Variants in ARHGEF17 observed in about 807,000 individuals in gnomAD.
ARHGEF17 encodes the protein Rho guanine nucleotide exchange factor 17, also known as 164 kDa Rho-specific guanine-nucleotide exchange factor.
In ARHGEF17, 80 loss-of-function variants were observed where a neutral mutation model predicts 174.0. That is an observed-to-expected ratio of 0.46 (90% CI 0.38 to 0.55). ARHGEF17 has a LOEUF of 0.55. Ranked by LOEUF, ARHGEF17 falls within the 20% of genes least tolerant of loss-of-function variation. The probability of loss-of-function intolerance (pLI) is 0.00; values close to 1 mark genes in which losing one functional copy is unlikely to be tolerated. For synonymous variants in ARHGEF17, 1,311 were observed against 1,189.1 expected, an observed-to-expected ratio of 1.10 and a Z score of -2.11; for missense variants, 2,886 against 2,839.7, an observed-to-expected ratio of 1.02 and a Z score of -0.37.
chr11:73,317,432 G>T (rs568430893), intron 1 of ARHGEF17, among the ~76,000 whole-genome samples: 2 of 152,338 alleles, frequency 1.3e-5, no homozygotes, highest in East Asian at 3.9e-4. Context: ...GCTTGAGTAT[G>T]GGATTTGGCT....
chr11:73,357,352 G>C lies in ARHGEF17; in HGVS notation c.4087+25G>C, dbSNP rs935935987. 10 of 1,601,206 alleles carry C rather than the reference G, an allele frequency of 6.2e-6. No individual in the cohort carries two copies. In the Admixed American group the frequency reaches 1.2e-4, roughly 19 times the overall value. On this transcript the variant is annotated intron_variant, in intron 9 of 20. Coordinates refer to ENST00000263674, the MANE Select transcript of ARHGEF17 (RefSeq NM_014786.4). The stretch of plus-strand genomic sequence containing the variant: ...GGTGGGTTTGATGCTAGGGGTTCTG[G>C]GTGTTGGGGTCTTCCTCTGAGAAGC...
chr11:73,336,714 AT>A (rs1865292019), intron 1 of ARHGEF17, among the ~76,000 whole-genome samples: 1 of 152,186 alleles, frequency 6.6e-6, no homozygotes, highest in African/African-American at 2.4e-5. Flanking sequence ...CTGTGTGACC[AT>A]GGCTCCTCCA....
rs1409540546 is a variant in ARHGEF17, at chr11:73,368,640, G to GC, written c.*865dup. On this transcript the variant is annotated 3_prime_UTR_variant, in exon 21 of 21. Transcript: ENST00000263674. Reference sequence around the variant, plus strand: ...ATGGGCCCATGATCTCCTCACAGTCGCCCCCAGTCCTTGGCCCTGCTTCCC... The same window carrying GC: ...ATGGGCCCATGATCTCCTCACAGTCGCCCCCCAGTCCTTGGCCCTGCTTCCC... 1 of 152,312 alleles carries GC rather than the reference G, an allele frequency of 6.6e-6. No individual in the cohort carries two copies. The highest frequency in any genetic ancestry group is 2.4e-5 in the African/African-American group (1 of 41,376). 9.4% of individuals were successfully genotyped at this position (152,312 alleles called of 1,614,324 possible).
At chr11:73,338,638 TC>T (rs767398890) in intron 1 of ARHGEF17, among the ~76,000 whole-genome samples, 3 of 152,184 alleles carry the variant, frequency 2.0e-5, no homozygotes, top group Admixed American at 6.5e-5. Flanking sequence ...CATGTCACTG[TC>T]TTGGAACAAA....
Position 73,310,716 on chromosome 11 carries a change from C to T in ARHGEF17, c.2078C>T (p.Ala693Val), listed in dbSNP as rs1277697734. 1.9e-6 allele frequency: 3 copies of T among 1,612,974 alleles called. No homozygotes were observed. The South Asian group carries it at 3.3e-5, about 18-fold the overall frequency. ...PGTEDSLGGW[A>V]LVSPETPPTP... ...ACTGAGGACAGTCTGGGCGGGTGGG[C>T]CCTGGTGTCGCCTGAGACCCCTCCC... The change falls in exon 1 of 21, where the codon GCC becomes GTC. Residue 693 changes from alanine to valine, a missense_variant. Ala to Val is a moderately conservative substitution (Grantham distance 64, BLOSUM62 0). Transcript: ENST00000263674.
intron 20 of ARHGEF17, among the ~76,000 whole-genome samples, chr11:73,366,224 G>A (rs918924010): frequency 1.4e-4 from 22 of 152,066 alleles, no homozygotes; most frequent in African/African-American, 5.1e-4. Context: ...AACCTAAGAG[G>A]TAGAATATGT....
Position 73,341,321 on chromosome 11 carries a change from G to C in ARHGEF17, c.3193-5562G>C, listed in dbSNP as rs142541306. On this transcript the variant is annotated intron_variant, in intron 1 of 20. Coordinates refer to ENST00000263674, the MANE Select transcript of ARHGEF17 (RefSeq NM_014786.4). ...TTTTTTCTTTTTGAGATGGAGTTTCGCTGTTGTTGCCCAAGCTGGAGTGCA... is the reference window on the plus strand; with the variant it reads ...TTTTTTCTTTTTGAGATGGAGTTTCCCTGTTGTTGCCCAAGCTGGAGTGCA... 1.7e-3 allele frequency among the ~76,000 whole-genome samples: 259 copies of C among 152,136 alleles called. 1 individual carries two copies. The East Asian group carries it at 0.03, about 18-fold the overall frequency.
intron 2 of ARHGEF17, among the ~76,000 whole-genome samples, chr11:73,347,903 A>C (rs551101855): frequency 2.0e-5 from 3 of 152,282 alleles, no homozygotes; most frequent in African/African-American, 7.2e-5. Flanking sequence ...AGGCGTGGTA[A>C]CTGGTTGGTT....
chr11:73,333,171 G>C (rs527279239), intron 1 of ARHGEF17, among the ~76,000 whole-genome samples: 88 of 151,992 alleles, frequency 5.8e-4, no homozygotes, highest in Middle Eastern at 3.4e-3. Context: ...CAATAATAAT[G>C]ACAAGACTAG....
chr11:73,330,472 C>CT (rs1865187390), intron 1 of ARHGEF17, among the ~76,000 whole-genome samples: 1 of 151,962 alleles, frequency 6.6e-6, no homozygotes, highest in Non-Finnish European at 1.5e-5. Flanking sequence ...GACTGCAACT[C>CT]TTTTTTTTCT....
At chr11:73,331,255 C>G (rs900658817) in intron 1 of ARHGEF17, among the ~76,000 whole-genome samples, 1 of 152,162 alleles carries the variant, frequency 6.6e-6, no homozygotes, top group African/African-American at 2.4e-5. Flanking sequence ...TGTCCCATAC[C>G]CCTAGCCCTT....
At chr11:73,355,333 G>A (rs537826249) in intron 3 of ARHGEF17, among the ~76,000 whole-genome samples, 200 bp from the exon 4 acceptor site, 10 of 152,310 alleles carry the variant, frequency 6.6e-5, no homozygotes, top group South Asian at 2.1e-4. Context: ...ATGAGCACTC[G>A]TATATCCATG....
intron 1 of ARHGEF17, among the ~76,000 whole-genome samples, chr11:73,322,155 C>G (rs548975400): frequency 1.3e-5 from 2 of 152,178 alleles, no homozygotes; most frequent in Non-Finnish European, 2.9e-5. Context: ...GGACGCCTTC[C>G]CCCAATAAAG....
At chr11:73,355,067 A>G (rs1159929536) in intron 3 of ARHGEF17, among the ~76,000 whole-genome samples, 1 of 152,228 alleles carries the variant, frequency 6.6e-6, no homozygotes, top group African/African-American at 2.4e-5. Context: ...ACTGGAGCAC[A>G]GCCCTGAGGC....
At chr11:73,345,091 G>T (rs566698254) in intron 1 of ARHGEF17, among the ~76,000 whole-genome samples, 1 of 152,100 alleles carries the variant, frequency 6.6e-6, no homozygotes. Context: ...GCCTGTCCTC[G>T]GGAGGCCTTC....
intron 5 of ARHGEF17, 76 bp downstream of exon 5, chr11:73,356,029 C>T (rs1865631863): frequency 6.3e-7 from 1 of 1,588,722 alleles, no homozygotes; most frequent in Non-Finnish European, 8.6e-7. Context: ...AAGGCCCCTG[C>T]CTCGTTGAGC....
chr11:73,310,383 C>G lies in ARHGEF17; in HGVS notation c.1745C>G (p.Pro582Arg). ...LLTGPGAEED[P>R]LPLIVQDQYV... is the part of the protein sequence containing the mutation. ...ACAGGCCCTGGTGCCGAGGAGGATC[C>G]GCTGCCCCTCATCGTCCAGGACCAA... Residue 582 changes from proline to arginine, a missense_variant, in exon 1 of 21, where the codon CCG becomes CGG. By Grantham distance (103) the Pro-to-Arg change is moderately radical (BLOSUM62 -2). Transcript: ENST00000263674. The G allele has an allele frequency of 6.2e-7, 1 of 1,613,926 alleles. No homozygotes were observed. The highest frequency in any genetic ancestry group is 8.5e-7 in the Non-Finnish European group (1 of 1,180,026).
At chr11:73,320,926 T>G (rs1865007984) in intron 1 of ARHGEF17, among the ~76,000 whole-genome samples, 1 of 152,190 alleles carries the variant, frequency 6.6e-6, no homozygotes, top group African/African-American at 2.4e-5. Context: ...CCTCCCAAAG[T>G]GCTGGGATGA....
chr11:73,344,557 G>A (rs532017068), intron 1 of ARHGEF17, among the ~76,000 whole-genome samples: 177 of 152,322 alleles, frequency 1.2e-3, no homozygotes, highest in African/African-American at 4.1e-3. Context: ...TGTGGCTGAG[G>A]GGCCCAGGGC....
Sources: allele counts gnomAD v4.1 joint callset (sites outside exome capture counted in the v4.1 genomes callset), GRCh38; gene constraint gnomAD v4.1.1; transcripts MANE v1.5; gene names NCBI Gene and HGNC (gene_info 2026-07-23, HGNC 2026-07-21).